TJP1: variants seen among roughly 807,000 people sequenced by gnomAD.
The protein encoded by TJP1 is tight junction protein 1.
In TJP1, 43 loss-of-function variants were observed where a neutral mutation model predicts 194.2. The ratio of observed to expected loss-of-function variants is 0.22; its 90% CI spans 0.17 to 0.29. The LOEUF (loss-of-function observed/expected upper bound fraction) is 0.29. TJP1 is among the 10% of genes least tolerant of loss of function. The probability of loss-of-function intolerance (pLI) is 1.00; values close to 1 mark genes in which losing one functional copy is unlikely to be tolerated. For missense variants in TJP1, 1,971 were observed against 2,185.7 expected, an observed-to-expected ratio of 0.90 and a Z score of 1.96; for synonymous variants, 801 against 779.0, an observed-to-expected ratio of 1.03 and a Z score of -0.47.
intron 1 of TJP1, chr15:29,956,496 C>G: frequency 1.3e-6 from 1 of 761,914 alleles, no homozygotes; most frequent in Non-Finnish European, 1.8e-6. Flanking sequence ...AAGCTAAGAA[C>G]CACAGCAGAG....
chr15:29,700,067 T>C (rs986071609), downstream of TJP1: 3 of 382,540 alleles, frequency 7.8e-6, no homozygotes, highest in Admixed American at 4.5e-5. Flanking sequence ...CGCTGGGTGA[T>C]AGGGATTTGT....
intron 2 of TJP1, among the ~76,000 whole-genome samples, chr15:29,942,730 C>T (rs1179678433): frequency 4.6e-5 from 7 of 152,222 alleles, no homozygotes; most frequent in Non-Finnish European, 7.3e-5. Context: ...CCACAGCACA[C>T]TCTGATGTCC....
At chr15:29,875,733 A>G (rs1398929973) in intron 2 of TJP1, among the ~76,000 whole-genome samples, 2 of 151,924 alleles carry the variant, frequency 1.3e-5, no homozygotes, top group African/African-American at 2.4e-5. Context: ...TGCCCAGCTA[A>G]TTTTTGTATT....
intron 2 of TJP1, among the ~76,000 whole-genome samples, chr15:29,779,809 C>G (rs1410018197): frequency 1.3e-5 from 2 of 151,994 alleles, no homozygotes; most frequent in African/African-American, 2.4e-5. Flanking sequence ...CATAACAAAC[C>G]AAGAATCCAA....
At chr15:29,717,734 A>G (rs909541465) in intron 22 of TJP1, among the ~76,000 whole-genome samples, 1 of 152,246 alleles carries the variant, frequency 6.6e-6, no homozygotes, top group Non-Finnish European at 1.5e-5. Context: ...ACTAAAAAAC[A>G]TAATACAAAT....
chr15:29,888,356 C>G (rs1379258932), intron 2 of TJP1, among the ~76,000 whole-genome samples: 1 of 152,016 alleles, frequency 6.6e-6, no homozygotes, highest in Non-Finnish European at 1.5e-5. Context: ...TATACACACA[C>G]ACATATATAC....
chr15:29,951,823 C>T (rs1278362121), intron 2 of TJP1, among the ~76,000 whole-genome samples: 9 of 152,124 alleles, frequency 5.9e-5, no homozygotes, highest in Admixed American at 5.9e-4. Context: ...GAGAGATAAG[C>T]AGCAATCTAG....
chr15:29,929,468 A>C, intron 2 of TJP1, among the ~76,000 whole-genome samples: 1 of 151,926 alleles, frequency 6.6e-6, no homozygotes, highest in East Asian at 1.9e-4. Context: ...AGGCCGGGGG[A>C]AGTGGATGAC....
chr15:29,905,410 C>T (rs785421), intron 2 of TJP1, among the ~76,000 whole-genome samples: 96,524 of 152,028 alleles, frequency 0.63, 31,033 homozygotes, highest in South Asian at 0.79. Flanking sequence ...AAAACTATGG[C>T]GCAAACTTAC....
intron 2 of TJP1, among the ~76,000 whole-genome samples, chr15:29,942,757 A>G (rs17603507): frequency 0.021 from 3,274 of 152,302 alleles, 48 homozygotes; most frequent in Middle Eastern, 0.061. Context: ...GTTCACTGAC[A>G]CCCAGGTTAG....
At chr15:29,767,680 T>C (rs1039017837) in intron 4 of TJP1, among the ~76,000 whole-genome samples, 11 of 152,138 alleles carry the variant, frequency 7.2e-5, no homozygotes, top group African/African-American at 2.2e-4. Flanking sequence ...ATGTAGGTAT[T>C]CTACAACCAT....
At chr15:29,899,283 G>A (rs2053568488) in intron 2 of TJP1, among the ~76,000 whole-genome samples, 1 of 152,154 alleles carries the variant, frequency 6.6e-6, no homozygotes, top group Non-Finnish European at 1.5e-5. Context: ...ATTATATATG[G>A]ACAGACAAGT....
chr15:29,810,281 T>C (rs774401794), intron 1 of TJP1, among the ~76,000 whole-genome samples: 3 of 152,208 alleles, frequency 2.0e-5, no homozygotes, highest in Non-Finnish European at 2.9e-5. Flanking sequence ...GTGACAGTAA[T>C]GTGGGAATTC....
chr15:29,905,526 C>A (rs927657799), intron 2 of TJP1, among the ~76,000 whole-genome samples: 4 of 152,254 alleles, frequency 2.6e-5, no homozygotes, highest in Admixed American at 1.3e-4. Context: ...CCAAATGAGT[C>A]GAAAACATAT....
At chr15:29,821,150 G>T (rs2050311038) in intron 1 of TJP1, among the ~76,000 whole-genome samples, 2 of 152,154 alleles carry the variant, frequency 1.3e-5, no homozygotes, top group Non-Finnish European at 2.9e-5. Context: ...CAAAATGGGA[G>T]GAGCATCCTA....
chr15:29,715,743 A>C lies in TJP1; in HGVS notation c.4202+868T>G, dbSNP rs2042524748. 3.3e-5 allele frequency among the ~76,000 whole-genome samples: 5 copies of C among 152,238 alleles called. 1 individual carries two copies. In the South Asian group the frequency reaches 1.0e-3, roughly 32 times the overall value. ...TAATCAGCAGAGCCCTCTGAATGAG[A>C]ATTTAGGCCTTCCCTGATCTCACAC... is the stretch of plus-strand genomic sequence containing the variant. On this transcript the variant is annotated intron_variant, in intron 23 of 27. Transcript: ENST00000614355.
At chr15:29,943,854 A>T (rs1202911249) in intron 2 of TJP1, among the ~76,000 whole-genome samples, 1 of 150,848 alleles carries the variant, frequency 6.6e-6, no homozygotes, top group Non-Finnish European at 1.5e-5. Flanking sequence ...AGGCTGAGGG[A>T]GGAGAATTGC....
chr15:29,822,964 C>G (rs904296664), upstream of TJP1: 1 of 152,210 alleles, frequency 6.6e-6, no homozygotes, highest in Admixed American at 6.5e-5. Flanking sequence ...CTTTCATCTC[C>G]GAGGAGCTCC....
At chr15:29,704,453 A>C in intron 26 of TJP1, 148 bp from the exon 27 acceptor site, 1 of 849,418 alleles carries the variant, frequency 1.2e-6, no homozygotes, top group East Asian at 2.8e-5. Flanking sequence ...AAAACGTAAC[A>C]GCAGCCACAT....
Sources: allele counts gnomAD v4.1 joint callset (sites outside exome capture counted in the v4.1 genomes callset), GRCh38; gene constraint gnomAD v4.1.1; transcripts MANE v1.5; gene names NCBI Gene and HGNC (gene_info 2026-07-23, HGNC 2026-07-21).